Variants in MCTP1 observed in about 807,000 individuals in gnomAD.
The protein encoded by MCTP1 is multiple C2 and transmembrane domain-containing protein 1.
In MCTP1, 69 loss-of-function variants were observed where a neutral mutation model predicts 120.6. The observed-to-expected ratio is 0.57, with a 90% CI of 0.47 to 0.70. The LOEUF (loss-of-function observed/expected upper bound fraction) is 0.70, where lower values mean the gene tolerates loss of function less well. MCTP1 is among the 30% of genes least tolerant of loss of function. The pLI is 0.00. For synonymous variants in MCTP1, 529 were observed against 493.1 expected (o/e 1.07, Z -0.96); for missense variants, 1,203 against 1,248.8 (o/e 0.96, Z 0.55).
At chr5:94,824,826 G>A (rs1007632532) in intron 17 of MCTP1, among the ~76,000 whole-genome samples, 3 of 152,148 alleles carry the variant, frequency 2.0e-5, no homozygotes, top group African/African-American at 7.2e-5. Flanking sequence ...TATTTGCGTA[G>A]AGGTGTTTAT....
chr5:95,007,941 C>T (rs899606347), intron 2 of MCTP1, among the ~76,000 whole-genome samples: 6 of 152,034 alleles, frequency 3.9e-5, no homozygotes, highest in East Asian at 1.9e-4. Flanking sequence ...ATTTTTTTAA[C>T]GCTATTATAA....
intron 19 of MCTP1, among the ~76,000 whole-genome samples, chr5:94,719,104 A>G (rs762309002): frequency 4.1e-4 from 62 of 152,318 alleles, no homozygotes; most frequent in Non-Finnish European, 7.8e-4. Context: ...CCAAACCACA[A>G]TGAGATACTA....
At chr5:95,065,250 ATCAT>A (rs1750356569) in intron 1 of MCTP1, among the ~76,000 whole-genome samples, 1 of 152,036 alleles carries the variant, frequency 6.6e-6, no homozygotes, top group African/African-American at 2.4e-5. Flanking sequence ...ATAAAAATTT[ATCAT>A]TAATTCTTTA....
chr5:95,227,955 G>A (rs898223466), intron 1 of MCTP1, among the ~76,000 whole-genome samples: 8 of 152,210 alleles, frequency 5.3e-5, no homozygotes, highest in Admixed American at 1.3e-4. Flanking sequence ...GAGCTCAGAA[G>A]TCAGGATCAT....
intron 1 of MCTP1, among the ~76,000 whole-genome samples, chr5:95,157,895 T>C (rs1344547096): frequency 6.6e-6 from 1 of 152,162 alleles, no homozygotes; most frequent in African/African-American, 2.4e-5. Flanking sequence ...CAATGTTGAG[T>C]TGTCATGACA....
chr5:94,812,770 C>T (rs1169267933), intron 17 of MCTP1, among the ~76,000 whole-genome samples: 2 of 107,064 alleles, frequency 1.9e-5, no homozygotes, highest in Non-Finnish European at 5.3e-5. Flanking sequence ...GAGACCTTGC[C>T]TCTTAAAAAA....
At chr5:94,838,439 T>C (rs77710699) in intron 17 of MCTP1, among the ~76,000 whole-genome samples, 1,659 of 152,278 alleles carry the variant, frequency 0.011, 17 homozygotes, top group Non-Finnish European at 0.016. Flanking sequence ...GGAGGACATG[T>C]GGGAGACATG....
chr5:95,015,091 T>C (rs905366159), intron 2 of MCTP1, among the ~76,000 whole-genome samples: 2 of 152,160 alleles, frequency 1.3e-5, no homozygotes, highest in African/African-American at 4.8e-5. Context: ...TTTTTATGAA[T>C]AATGCTATTC....
chr5:94,846,029 G>A (rs1792253443), intron 17 of MCTP1, among the ~76,000 whole-genome samples: 1 of 152,088 alleles, frequency 6.6e-6, no homozygotes, highest in Admixed American at 6.6e-5. Flanking sequence ...TGGAGGAAAG[G>A]GAATGCTTAT....
intron 1 of MCTP1, among the ~76,000 whole-genome samples, chr5:95,182,179 A>C (rs1481682815): frequency 6.6e-6 from 1 of 152,210 alleles, no homozygotes; most frequent in Admixed American, 6.5e-5. Flanking sequence ...CATGAGGAAA[A>C]GTGGGTGTGA....
At chr5:94,813,429 A>G (rs1177879298) in intron 17 of MCTP1, among the ~76,000 whole-genome samples, 1 of 152,240 alleles carries the variant, frequency 6.6e-6, no homozygotes, top group East Asian at 1.9e-4. Context: ...ATGTAAACAT[A>G]CATTTACCAC....
chr5:95,107,308 T>C (rs1346460237), intron 1 of MCTP1, among the ~76,000 whole-genome samples: 2 of 152,204 alleles, frequency 1.3e-5, no homozygotes, highest in African/African-American at 2.4e-5. Context: ...CTGGGGGACA[T>C]AGTACTGAAA....
rs553502452 is a variant in MCTP1 at position 95,037,898 on chromosome 5, A to C, written c.721-20414T>G. On this transcript the variant is annotated intron_variant, in intron 1 of 22. Coordinates refer to ENST00000515393, the MANE Select transcript of MCTP1 (RefSeq NM_024717.7). Reference sequence around the variant, plus strand: ...ACAAAAACAAAAACAAAACAACAACAACCACCACCACCTACTTATTCTCTG... The same window carrying C: ...ACAAAAACAAAAACAAAACAACAACCACCACCACCACCTACTTATTCTCTG... Among the ~76,000 whole-genome samples, 39 of 152,178 alleles carry C rather than the reference A, an allele frequency of 2.6e-4. No homozygotes were observed. The South Asian group carries it at 5.0e-3, about 19-fold the overall frequency.
chr5:94,885,957 G>A (rs893955303), intron 12 of MCTP1, among the ~76,000 whole-genome samples: 1 of 152,114 alleles, frequency 6.6e-6, no homozygotes. Flanking sequence ...GTAAATTGAG[G>A]CCTTAACCAC....
At chr5:95,094,313 T>A (rs1162010065) in intron 1 of MCTP1, among the ~76,000 whole-genome samples, 2 of 152,204 alleles carry the variant, frequency 1.3e-5, no homozygotes, top group Middle Eastern at 6.3e-3. Context: ...TCCATTTGGA[T>A]CTCTATCACT....
At chr5:94,712,813 T>C (rs1757560993) in intron 20 of MCTP1, among the ~76,000 whole-genome samples, 1 of 151,830 alleles carries the variant, frequency 6.6e-6, no homozygotes, top group Non-Finnish European at 1.5e-5. Context: ...CTTGCTTTCC[T>C]GTGGCTCAGC....
chr5:95,086,006 T>G (rs763831531), intron 1 of MCTP1, among the ~76,000 whole-genome samples: 2 of 152,104 alleles, frequency 1.3e-5, no homozygotes, highest in Non-Finnish European at 1.5e-5. Context: ...CTTCTGTGTA[T>G]TTTTTTACTA....
chr5:94,835,064 G>A (rs939139246), intron 17 of MCTP1, among the ~76,000 whole-genome samples: 3 of 151,994 alleles, frequency 2.0e-5, no homozygotes, highest in South Asian at 2.1e-4. Flanking sequence ...TGATCCACCC[G>A]CCTCAGCCTC....
At chr5:94,892,285 G>C (rs559700001) in intron 11 of MCTP1, among the ~76,000 whole-genome samples, 2 of 152,138 alleles carry the variant, frequency 1.3e-5, no homozygotes, top group African/African-American at 4.8e-5. Flanking sequence ...ATCGTCTCAC[G>C]GTGGACAATC....
Sources: gnomAD v4.1 joint callset for allele counts (sites outside exome capture counted in the v4.1 genomes callset) on GRCh38, gnomAD v4.1.1 for gene constraint, MANE v1.5 for transcripts, NCBI Gene and HGNC (gene_info 2026-07-23, HGNC 2026-07-21) for gene names.